Variants in TMEM217 observed in about 807,000 individuals in gnomAD.
The protein encoded by TMEM217 is transmembrane protein 217.
For missense variants in TMEM217, 204 were observed against 248.8 expected, an observed-to-expected ratio of 0.82 and a Z score of 1.21; for synonymous variants, 76 against 88.3, an observed-to-expected ratio of 0.86 and a Z score of 0.78.
exon 2 of TMEM217, chr6:37,218,300 C>A: frequency 8.4e-7 from 1 of 1,190,508 alleles, no homozygotes; most frequent in Non-Finnish European, 1.1e-6. Flanking sequence ...TCTCAAGTGG[C>A]TGGGATTACA....
intron 1 of TMEM217, among the ~76,000 whole-genome samples, chr6:37,252,494 G>A (rs986507524): frequency 6.6e-6 from 1 of 150,536 alleles, no homozygotes; most frequent in Non-Finnish European, 1.5e-5. Flanking sequence ...ACATATACAT[G>A]TATGCATATA....
In TMEM217 at chr6:37,218,411, A is replaced by G; in HGVS notation, c.*11T>C. The G allele has an allele frequency of 6.4e-7, 1 of 1,568,958 alleles. No individual in the cohort carries two copies. Among genetic ancestry groups the G allele is most frequent in the Non-Finnish European group, 8.7e-7 (1 of 1,151,430 alleles). On this transcript the variant is annotated 3_prime_UTR_variant, in exon 2 of 2. Transcript: ENST00000357219. ...AGGCTGGTCTTGAACTCCTGACCTCAGGCGATCCACCTACCTCTGCCTCTC... is the reference window on the plus strand; with the variant it reads ...AGGCTGGTCTTGAACTCCTGACCTCGGGCGATCCACCTACCTCTGCCTCTC...
chr6:37,227,749 T>C (rs529187185), intron 1 of TMEM217, among the ~76,000 whole-genome samples: 2 of 151,914 alleles, frequency 1.3e-5, no homozygotes, highest in Non-Finnish European at 2.9e-5. Context: ...GCGCTCAGCC[T>C]AAATGTTTAT....
intron 1 of TMEM217, among the ~76,000 whole-genome samples, chr6:37,223,231 G>GA (rs144129293): frequency 0.049 from 7,244 of 148,664 alleles, 565 homozygotes; most frequent in African/African-American, 0.16. Flanking sequence ...TTGCACAACT[G>GA]AAAAAAAAAC....
downstream of TMEM217, among the ~76,000 whole-genome samples, chr6:37,216,295 T>C (rs147310984): frequency 3.6e-3 from 542 of 152,150 alleles, 3 homozygotes; most frequent in African/African-American, 0.01. Flanking sequence ...GCCAGGCTGG[T>C]CTTGAACTCC....
chr6:37,243,024 A>G lies in TMEM217; in HGVS notation c.-12+14544T>C, dbSNP rs1353362743. On this transcript the variant is annotated intron_variant, in intron 1 of 1. Coordinates refer to ENST00000357219, the Ensembl canonical transcript of TMEM217. The stretch of plus-strand genomic sequence containing the variant: ...GAGGCTGGGAAAGCAAGTTTCTGGC[A>G]AAGTTGAATGGGATCGCCATAACTT... Among the ~76,000 whole-genome samples the G allele has an allele frequency of 3.9e-5, 6 of 152,326 alleles. No homozygotes were observed. In the East Asian group the frequency reaches 1.2e-3, roughly 29 times the overall value.
chr6:37,225,213 A>G (rs1763756871), intron 1 of TMEM217, among the ~76,000 whole-genome samples: 2 of 152,218 alleles, frequency 1.3e-5, no homozygotes, highest in South Asian at 4.2e-4. Context: ...AAAAGAAAAA[A>G]AAATTACCAA....
intron 1 of TMEM217, among the ~76,000 whole-genome samples, chr6:37,227,366 C>T (rs1257327671): frequency 6.6e-6 from 1 of 152,162 alleles, no homozygotes; most frequent in Non-Finnish European, 1.5e-5. Context: ...AGTTCTTCTC[C>T]TTCCTTCCCA....
At chr6:37,252,633 ATATAT>A (rs1562027899) in intron 1 of TMEM217, among the ~76,000 whole-genome samples, 62 of 75,260 alleles carry the variant, frequency 8.2e-4, no homozygotes, top group African/African-American at 2.4e-3. Context: ...ATATATATAT[ATATAT>A]TTTTTTTTTT....
intron 1 of TMEM217, among the ~76,000 whole-genome samples, chr6:37,227,731 G>T (rs150761794): frequency 6.6e-6 from 1 of 152,084 alleles, no homozygotes; most frequent in East Asian, 1.9e-4. Flanking sequence ...TTACAGGTAT[G>T]AGCCATTGCG....
At chr6:37,257,834 G>A (rs1425205699) in exon 1 of TMEM217, 2 of 1,501,874 alleles carry the variant, frequency 1.3e-6, no homozygotes, top group Non-Finnish European at 1.8e-6. Flanking sequence ...AGCGGCCTGG[G>A]TTGGCCCTCA....
intron 1 of TMEM217, among the ~76,000 whole-genome samples, chr6:37,239,055 A>G (rs1764633690): frequency 1.3e-5 from 2 of 152,178 alleles, no homozygotes; most frequent in South Asian, 4.1e-4. Context: ...ACTTGAACCT[A>G]AGAGGTGGAG....
chr6:37,233,637 T>C (rs911638307), intron 1 of TMEM217, among the ~76,000 whole-genome samples: 1 of 152,186 alleles, frequency 6.6e-6, no homozygotes, highest in African/African-American at 2.4e-5. Flanking sequence ...AGTTCCAACA[T>C]ATGAATTTTG....
At chr6:37,241,609 G>C (rs964839664) in intron 1 of TMEM217, among the ~76,000 whole-genome samples, 2 of 152,150 alleles carry the variant, frequency 1.3e-5, no homozygotes, top group Non-Finnish European at 1.5e-5. Flanking sequence ...TCTGTTCCAG[G>C]TTCTACATCT....
At chr6:37,236,697 C>A (rs1160566257) in intron 1 of TMEM217, among the ~76,000 whole-genome samples, 1 of 151,542 alleles carries the variant, frequency 6.6e-6, no homozygotes, top group Non-Finnish European at 1.5e-5. Flanking sequence ...ATTTCTATAA[C>A]AAATTACCCC....
intron 1 of TMEM217, among the ~76,000 whole-genome samples, chr6:37,243,812 G>A (rs1300514009): frequency 6.6e-6 from 1 of 152,146 alleles, no homozygotes; most frequent in Non-Finnish European, 1.5e-5. Context: ...GGAATGGGTG[G>A]TGCTGACTGG....
chr6:37,213,298 G>T (rs1763007055), downstream of TMEM217, among the ~76,000 whole-genome samples: 1 of 152,224 alleles, frequency 6.6e-6, no homozygotes, highest in South Asian at 2.1e-4. Context: ...GTTGATGTAG[G>T]TTTGTGGGAA....
downstream of TMEM217, chr6:37,212,644 C>T: frequency 1.8e-6 from 1 of 541,868 alleles, no homozygotes; most frequent in Non-Finnish European, 3.5e-6. Flanking sequence ...TTTGATGATC[C>T]CGTTGAGGAG....
chr6:37,224,953 T>A (rs201852834), intron 1 of TMEM217, among the ~76,000 whole-genome samples: 1 of 150,958 alleles, frequency 6.6e-6, no homozygotes, highest in African/African-American at 2.4e-5. Flanking sequence ...CTGAGGCAGG[T>A]GAATTGCTTG....
Sources: allele counts gnomAD v4.1 joint callset (sites outside exome capture counted in the v4.1 genomes callset), GRCh38; gene constraint gnomAD v4.1.1; transcripts MANE v1.5; gene names NCBI Gene and HGNC (gene_info 2026-07-23, HGNC 2026-07-21).